Variants in CPS1 observed in about 807,000 individuals in gnomAD.
CPS1 encodes carbamoyl-phosphate synthase [ammonia], mitochondrial.
CPS1 carries 109 observed loss-of-function variants against 174.6 expected under a neutral mutation model. That is an observed-to-expected ratio of 0.62 (90% CI 0.53 to 0.73). CPS1 has a LOEUF of 0.73. CPS1 is among the 30% of genes least tolerant of loss of function. The pLI is 0.00. For missense variants in CPS1, 1,689 were observed against 1,821.9 expected (o/e 0.93, Z 1.33); for synonymous variants, 637 against 632.0 (o/e 1.01, Z -0.12).
chr2:210,587,626 C>A (rs1698151074), intron 6 of CPS1, among the ~76,000 whole-genome samples: 2 of 152,050 alleles, frequency 1.3e-5, no homozygotes, highest in Admixed American at 6.6e-5. Context: ...TTCAGCTTTA[C>A]CCCATTTGAT....
intron 5 of CPS1, among the ~76,000 whole-genome samples, chr2:210,581,188 A>G (rs1032870967): frequency 2.0e-5 from 3 of 152,116 alleles, no homozygotes; most frequent in Non-Finnish European, 4.4e-5. Context: ...TGACGAGGCT[A>G]TGAGGGCGGG....
intron 10 of CPS1, 52 bp from the exon 11 acceptor site, chr2:210,592,827 C>T: frequency 3.3e-6 from 5 of 1,513,940 alleles, no homozygotes; most frequent in South Asian, 2.2e-5. Context: ...CATAGCCACA[C>T]TTGACATTCA....
intron 2 of CPS1, among the ~76,000 whole-genome samples, chr2:210,574,898 G>T (rs942125258): frequency 2.6e-5 from 4 of 151,954 alleles, no homozygotes; most frequent in African/African-American, 7.2e-5. Flanking sequence ...GTAGGAAAAG[G>T]TATTCATCTA....
At chr2:210,587,106 A>G (rs1408630904) in intron 6 of CPS1, among the ~76,000 whole-genome samples, 2 of 152,074 alleles carry the variant, frequency 1.3e-5, no homozygotes, top group Non-Finnish European at 2.9e-5. Context: ...AGTGGGAGAA[A>G]AAAAACCCCA....
At chr2:210,601,684 AT>A (rs1311865327) in intron 15 of CPS1, among the ~76,000 whole-genome samples, 1 of 151,948 alleles carries the variant, frequency 6.6e-6, no homozygotes, top group Non-Finnish European at 1.5e-5. Context: ...CATATGTTGT[AT>A]TCTGTAAGTT....
At chr2:210,517,079 T>C (rs997761175) in intron 1 of CPS1, among the ~76,000 whole-genome samples, 1 of 151,970 alleles carries the variant, frequency 6.6e-6, no homozygotes, top group Non-Finnish European at 1.5e-5. Context: ...TCTCTACATA[T>C]TTTCCATATG....
chr2:210,526,164 T>A (rs1695967250), intron 1 of CPS1, among the ~76,000 whole-genome samples: 3 of 151,736 alleles, frequency 2.0e-5, no homozygotes, highest in Non-Finnish European at 4.4e-5. Context: ...TTCTCACTCA[T>A]AAGTGGGAGT....
At chr2:210,669,298 C>T (rs1701212795) in intron 34 of CPS1, among the ~76,000 whole-genome samples, 1 of 152,010 alleles carries the variant, frequency 6.6e-6, no homozygotes, top group Non-Finnish European at 1.5e-5. Flanking sequence ...TTATAAATTT[C>T]CTGAAAAAAT....
At chr2:210,518,857 A>G (rs1695748579) in intron 1 of CPS1, among the ~76,000 whole-genome samples, 1 of 152,024 alleles carries the variant, frequency 6.6e-6, no homozygotes, top group South Asian at 2.1e-4. Context: ...GGTGACCTGC[A>G]GGCCCTTTAA....
At chr2:210,619,883 A>G (rs1699449245) in intron 21 of CPS1, 1 of 151,542 alleles carries the variant, frequency 6.6e-6, no homozygotes, top group South Asian at 2.1e-4. Flanking sequence ...CAAATAGACT[A>G]TACCCACGCA....
chr2:210,594,730 A>G (rs1308422881), intron 12 of CPS1, 124 bp downstream of exon 12: 2 of 709,086 alleles, frequency 2.8e-6, no homozygotes, highest in East Asian at 2.7e-5. Flanking sequence ...TAATATTGTA[A>G]TAGACTGTCA....
chr2:210,618,165 C>T (rs1699375934), intron 21 of CPS1: 1 of 152,036 alleles, frequency 6.6e-6, no homozygotes, highest in Middle Eastern at 3.2e-3. Context: ...AAACAACACA[C>T]TGTTACAGAT....
intron 34 of CPS1, chr2:210,671,655 T>G (rs1036375551): frequency 6.6e-6 from 1 of 152,202 alleles, no homozygotes; most frequent in Non-Finnish European, 1.5e-5. Context: ...GTTTTATGTG[T>G]CACAAGTGTT....
At chr2:210,638,369 C>T (rs1310982635) in intron 22 of CPS1, among the ~76,000 whole-genome samples, 1 of 151,948 alleles carries the variant, frequency 6.6e-6, no homozygotes, top group African/African-American at 2.4e-5. Context: ...CACGCATGAA[C>T]ATTCATAGGT....
chr2:210,661,782 G>T (rs1700929653), intron 32 of CPS1, among the ~76,000 whole-genome samples: 1 of 151,808 alleles, frequency 6.6e-6, no homozygotes, highest in South Asian at 2.1e-4. Context: ...TTCCACTGGA[G>T]ATTCTATATA....
At chr2:210,512,040 A>G (rs941639209) in intron 1 of CPS1, among the ~76,000 whole-genome samples, 10 of 152,030 alleles carry the variant, frequency 6.6e-5, no homozygotes, top group African/African-American at 2.4e-4. Context: ...CTCAAGTTGG[A>G]CATCATTAAA....
At chr2:210,498,139 G>T (rs1695049758) in intron 1 of CPS1, among the ~76,000 whole-genome samples, 1 of 151,538 alleles carries the variant, frequency 6.6e-6, no homozygotes, top group Non-Finnish European at 1.5e-5. Context: ...TCTTATTTTG[G>T]TTTTGACTTG....
intron 1 of CPS1, among the ~76,000 whole-genome samples, chr2:210,569,830 T>G (rs972236030): frequency 6.6e-6 from 1 of 152,042 alleles, no homozygotes; most frequent in Non-Finnish European, 1.5e-5. Context: ...TTCTTTTCAT[T>G]AAGATTTCCT....
chr2:210,612,091 T>C (rs1201055485), intron 19 of CPS1, 26 bp from the exon 20 acceptor site: 2 of 1,605,750 alleles, frequency 1.2e-6, no homozygotes, highest in East Asian at 4.5e-5. Flanking sequence ...TTTCTTTCAA[T>C]ATGAGGTCTT....
Sources: gnomAD v4.1 joint callset for allele counts (sites outside exome capture counted in the v4.1 genomes callset) on GRCh38, gnomAD v4.1.1 for gene constraint, MANE v1.5 for transcripts, NCBI Gene and HGNC (gene_info 2026-07-23, HGNC 2026-07-21) for gene names.